Variants in FAM83H observed in about 807,000 individuals in gnomAD.
FAM83H encodes scaffolding CK1 anchoring protein H, also known as protein FAM83H.
A neutral mutation model predicts 30.2 loss-of-function variants in FAM83H; 24 were observed. The ratio of observed to expected loss-of-function variants is 0.79; its 90% CI spans 0.57 to 1.12. The LOEUF (loss-of-function observed/expected upper bound fraction) is 1.12. Ranked by LOEUF, FAM83H falls within the 50% of genes most tolerant of loss-of-function variation. The pLI, the probability that FAM83H is intolerant of heterozygous loss-of-function variation, is 0.00. For missense variants in FAM83H, 2,038 were observed against 1,773.9 expected (o/e 1.15, Z -2.67); for synonymous variants, 1,013 against 821.7 (o/e 1.23, Z -3.98).
intron 1 of FAM83H, chr8:143,731,834 T>G: frequency 3.0e-6 from 3 of 985,430 alleles, no homozygotes; most frequent in Non-Finnish European, 3.6e-6. Context: ...AAAGGGTCCC[T>G]GCGGGGGCCT....
chr8:143,727,144 C>T lies in FAM83H; in HGVS notation c.2317G>A (p.Val773Met). ...AVVSQAWREEVAAPGAVGGER... is the reference protein window; with the variant it reads ...AVVSQAWREEMAAPGAVGGER... ...CCCCCCACGGCACCTGGGGCCGCCA[C>T]CTCTTCCCGCCACGCCTGGGACACG... The change falls in exon 5 of 5, where the codon GTG becomes ATG. Residue 773 changes from valine (V) to methionine (M), a missense_variant. Coordinates refer to ENST00000388913, the MANE Select transcript of FAM83H (RefSeq NM_198488.5). 1 of 1,534,258 alleles carries T rather than the reference C, an allele frequency of 6.5e-7. No homozygotes were observed. The highest frequency in any genetic ancestry group is 1.4e-5 in the African/African-American group (1 of 73,100).
rs1031212719 is a variant in FAM83H at position 143,733,228 on chromosome 8, G to C, written c.-16+463C>G. On this transcript the variant is annotated intron_variant, in intron 1 of 4. Transcript: ENST00000388913. The surrounding 1 kb of genome is among the most constrained non-coding windows in gnomAD (Gnocchi z 5.6). ...TCCGCCCACCCCAGCCCAGGAACGT[G>C]GGCGCGAGGGGCAGCACTCCCATCA... is the stretch of plus-strand genomic sequence containing the variant. The C allele has an allele frequency of 1.8e-4, 27 of 152,434 alleles. No homozygotes were observed. Among genetic ancestry groups the C allele is most frequent in the African/African-American group, 6.0e-4 (25 of 41,470 alleles). 9.4% of individuals were successfully genotyped at this position (152,434 alleles called of 1,614,324 possible). A position where few individuals can be genotyped will look rare whatever the true frequency, so the allele number is the denominator to read the frequency against.
rs1371733632 is a variant in FAM83H at position 143,727,171 on chromosome 8, C to T, written c.2290G>A (p.Val764Ile). ...AITVASHSKA[V>I]VSQAWREEVA... is the part of the protein sequence containing the mutation. ...TCTTCCCGCCACGCCTGGGACACGACGGCCTTGCTGTGGCTGGCAACGGTG... is the reference window on the plus strand; with the variant it reads ...TCTTCCCGCCACGCCTGGGACACGATGGCCTTGCTGTGGCTGGCAACGGTG... Residue 764 changes from valine to isoleucine, a missense_variant, in exon 5 of 5, where the codon GTC becomes ATC. Transcript: ENST00000388913. 3.3e-6 allele frequency: 5 copies of T among 1,534,108 alleles called. No homozygotes were observed. The highest frequency in any genetic ancestry group is 1.2e-5 in the South Asian group (1 of 84,010).
chr8:143,727,695 C>A lies in FAM83H; in HGVS notation c.1766G>T (p.Gly589Val), dbSNP rs1554622799. 6.4e-7 allele frequency: 1 copy of A among 1,558,786 alleles called. No homozygotes were observed. The highest frequency in any genetic ancestry group is 1.2e-5 in the South Asian group (1 of 86,374). The part of the protein sequence containing the change: ...RRWRLASYLS[G>V]CHGEDGGDDG... ...GTCGCCCCCATCCTCGCCGTGGCAGCCGCTCAAGTAGGAGGCCAAACGCCA... is the reference window on the plus strand; with the variant it reads ...GTCGCCCCCATCCTCGCCGTGGCAGACGCTCAAGTAGGAGGCCAAACGCCA... The change falls in exon 5 of 5, where the codon GGC (glycine) becomes GTC (valine). Residue 589 changes from glycine (G) to valine (V), a missense_variant. Gly to Val is a moderately radical substitution (Grantham distance 109, BLOSUM62 -3). Coordinates refer to ENST00000388913, the MANE Select transcript of FAM83H (RefSeq NM_198488.5).
rs1818364336 is a variant in FAM83H, at chr8:143,727,899, T to C, written c.1562A>G (p.His521Arg). 1 of 1,458,018 alleles carries C rather than the reference T, an allele frequency of 6.9e-7. No individual in the cohort carries two copies. Among genetic ancestry groups the C allele is most frequent in the African/African-American group, 1.5e-5 (1 of 67,294 alleles). 90.3% of individuals were successfully genotyped at this position (1,458,018 alleles called of 1,614,324 possible). ...GGGCGCGAAGGCGGGGTCCGAGCCGTGGCGCACCTCGCGGGACGCGCTGGA... is the reference window on the plus strand; with the variant it reads ...GGGCGCGAAGGCGGGGTCCGAGCCGCGGCGCACCTCGCGGGACGCGCTGGA... ...VPSSASREVR[H>R]GSDPAFAPGP... Residue 521 changes from histidine (H) to arginine (R), a missense_variant, in exon 5 of 5, where the codon CAC (histidine) becomes CGC (arginine). His to Arg is a conservative substitution (Grantham distance 29). Coordinates refer to ENST00000388913, the MANE Select transcript of FAM83H (RefSeq NM_198488.5).
chr8:143,729,039 T>C lies in FAM83H; in HGVS notation c.665A>G (p.Lys222Arg), dbSNP rs376949965. 222 of 1,613,490 alleles carry C rather than the reference T, an allele frequency of 1.4e-4. No homozygotes were observed. The highest frequency in any genetic ancestry group is 1.8e-4 in the Non-Finnish European group (209 of 1,179,988). The change falls in exon 4 of 5, where the codon AAG (lysine) becomes AGG (arginine). Residue 222 changes from lysine (K) to arginine (R), a missense_variant. Transcript: ENST00000388913. ...AGPTYYCRTG[K>R]SFKGHVKEKF... Reference sequence around the variant, plus strand: ...CTCCTTGACGTGGCCCTTGAAGGACTTCCCAGTGCGGCAGTAGTAGGTGGG... The same window carrying C: ...CTCCTTGACGTGGCCCTTGAAGGACCTCCCAGTGCGGCAGTAGTAGGTGGG...
Position 143,728,371 on chromosome 8 carries a change from C to G in FAM83H, c.1090G>C (p.Gly364Arg), listed in dbSNP as rs1370477113. The change falls in exon 5 of 5, where the codon GGG becomes CGG. Residue 364 changes from glycine to arginine, a missense_variant. Transcript: ENST00000388913. ...FRREEPPRMP[G>R]GALEPHAGLR... ...CCCGCGTGCGGTTCCAGCGCGCCCC[C>G]CGGCATCCGCGGCGGCTCCTCCCGG... 1.9e-6 allele frequency: 3 copies of G among 1,544,266 alleles called. No homozygotes were observed. Among genetic ancestry groups the G allele is most frequent in the East Asian group, 2.5e-5 (1 of 40,630 alleles).
chr8:143,725,072 G>C lies in FAM83H; in HGVS notation c.*849C>G, dbSNP rs1415298726. 3.4e-5 allele frequency: 4 copies of C among 118,628 alleles called. No individual in the cohort carries two copies. The highest frequency in any genetic ancestry group is 6.6e-5 in the Non-Finnish European group (4 of 60,636). 7.3% of individuals were successfully genotyped at this position (118,628 alleles called of 1,614,324 possible). ...CAGTCTTCCCCACAGCAAGAGACGG[G>C]CCTCCAAAAAAGATGCTGGGAGGCA... On this transcript the variant is annotated 3_prime_UTR_variant, in exon 5 of 5. Coordinates refer to ENST00000388913, the MANE Select transcript of FAM83H (RefSeq NM_198488.5).
rs1414158365 is a variant in FAM83H at position 143,725,462 on chromosome 8, A to G, written c.*459T>C. On this transcript the variant is annotated 3_prime_UTR_variant, in exon 5 of 5. Transcript: ENST00000388913. ...AATACAAAAACTACCTGGGCGTGGT[A>G]GCATACATCTGTAATCCCAGCTACT... The G allele has an allele frequency of 1.1e-5, 2 of 189,572 alleles. No individual in the cohort carries two copies. The highest frequency in any genetic ancestry group is 2.2e-5 in the Non-Finnish European group (2 of 90,766). 11.7% of individuals were successfully genotyped at this position (189,572 alleles called of 1,614,324 possible). A position where few individuals can be genotyped will look rare whatever the true frequency, so the allele number is the denominator to read the frequency against.
At position 143,726,057 on chromosome 8, in the gene FAM83H, C is replaced by T; in HGVS notation, c.3404G>A (p.Arg1135His). 2 of 1,612,366 alleles carry T rather than the reference C, an allele frequency of 1.2e-6. No homozygotes were observed. Among genetic ancestry groups the T allele is most frequent in the Non-Finnish European group, 1.7e-6 (2 of 1,179,778 alleles). Residue 1135 changes from arginine to histidine, a missense_variant, in exon 5 of 5, where the codon CGC (arginine) becomes CAC (histidine). Transcript: ENST00000388913. ...CTCTTTCTTGCAGAAGACCTCGAAG[C>T]GGCTGTACACGCGCTTCTCCTTGCG... The part of the protein sequence containing the change: ...SMRKEKRVYS[R>H]FEVFCKKEEA...
Position 143,725,666 on chromosome 8 carries a change from G to T in FAM83H, c.*255C>A. On this transcript the variant is annotated 3_prime_UTR_variant, in exon 5 of 5. Transcript: ENST00000388913. Reference sequence around the variant, plus strand: ...CACGCAAGGCTGACGGTGCAGAGATGAAGGTGCTGAGGGGAGAAAGGCACT... The same window carrying T: ...CACGCAAGGCTGACGGTGCAGAGATTAAGGTGCTGAGGGGAGAAAGGCACT... The T allele has an allele frequency of 1.7e-6, 1 of 602,924 alleles. No homozygotes were observed. The highest frequency in any genetic ancestry group is 2.9e-6 in the Non-Finnish European group (1 of 341,370). The allele number at this position is 602,924 out of a possible 1,614,324, so 37.3% of individuals were successfully genotyped here. A position where few individuals can be genotyped will look rare whatever the true frequency, so the allele number is the denominator to read the frequency against.
At chr8:143,728,880 G>A (rs1818410605) in intron 4 of FAM83H, 87 bp downstream of exon 4, 1 of 1,605,666 alleles carries the variant, frequency 6.2e-7, no homozygotes, top group Non-Finnish European at 8.5e-7. Flanking sequence ...AGGGCTCCTG[G>A]CGAGGAGGGC....
rs782396837 is a variant in FAM83H, at chr8:143,727,461, G to A, written c.2000C>T (p.Ser667Leu). ...CAGGGGGTTCAGGCGCGAGCGGAAT[G>A]AGTCCTGCTTGGCCAGGCCAGGCTC... ...PEEPGLAKQDSFRSRLNPLVQ... is the reference protein window; with the variant it reads ...PEEPGLAKQDLFRSRLNPLVQ... The change falls in exon 5 of 5, where the codon TCA (serine) becomes TTA (leucine). Residue 667 changes from serine (S) to leucine (L), a missense_variant. Coordinates refer to ENST00000388913, the MANE Select transcript of FAM83H (RefSeq NM_198488.5). 1.3e-6 allele frequency: 2 copies of A among 1,570,434 alleles called. No homozygotes were observed. Among genetic ancestry groups the A allele is most frequent in the Admixed American group, 1.8e-5 (1 of 55,148 alleles).
chr8:143,727,470 T>A lies in FAM83H; in HGVS notation c.1991A>T (p.Lys664Met), dbSNP rs782237692. 1.9e-6 allele frequency: 3 copies of A among 1,570,618 alleles called. No homozygotes were observed. The highest frequency in any genetic ancestry group is 2.6e-6 in the Non-Finnish European group (3 of 1,165,674). ...REGPEEPGLA[K>M]QDSFRSRLNP... is the part of the protein sequence containing the mutation. ...CAGGCGCGAGCGGAATGAGTCCTGCTTGGCCAGGCCAGGCTCCTCCGGGCC... is the reference window on the plus strand; with the variant it reads ...CAGGCGCGAGCGGAATGAGTCCTGCATGGCCAGGCCAGGCTCCTCCGGGCC... The change falls in exon 5 of 5, where the codon AAG becomes ATG. Residue 664 changes from lysine to methionine, a missense_variant. Lys to Met is a moderately conservative substitution (Grantham distance 95). Transcript: ENST00000388913.
At chr8:143,732,155 G>GC in intron 1 of FAM83H, 1 of 985,420 alleles carries the variant, frequency 1.0e-6, no homozygotes, top group Non-Finnish European at 1.2e-6. Context: ...TCAGGAGGCA[G>GC]CCGTCCTGCC....
rs782627919 is a variant in FAM83H, at chr8:143,728,009, C to T, written c.1452G>A (p.Ala484=). ...CGCCCAGGGTGAAGTCATCCGGGTC[C>T]GCGAAACCCGCGCGGCCCCCGCGAA... ...EKLRGGRAGF[A]DPDDFTLGAG... is the part of the protein sequence containing the mutation. The change falls in exon 5 of 5, where the codon GCG becomes GCA. Residue 484 remains alanine (A), a synonymous_variant. Coordinates refer to ENST00000388913, the MANE Select transcript of FAM83H (RefSeq NM_198488.5). The T allele has an allele frequency of 1.9e-6, 3 of 1,597,698 alleles. No individual in the cohort carries two copies. Among genetic ancestry groups the T allele is most frequent in the Non-Finnish European group, 2.5e-6 (3 of 1,177,470 alleles).
intron 1 of FAM83H, 73 bp from the exon 2 acceptor site, chr8:143,730,670 CTG>C (rs1554624306): frequency 1.8e-6 from 2 of 1,115,554 alleles, no homozygotes; most frequent in East Asian, 5.2e-5. Context: ...CATGGACACA[CTG>C]TGGAAAGGGC....
chr8:143,730,437 G>A lies in FAM83H; in HGVS notation c.146C>T (p.Thr49Ile), dbSNP rs781915158. ...GSEAYSRFLA[T>I]EGAPDFLCPE... ...GCACAGGAAGTCTGGTGCCCCCTCG[G>A]TAGCGAGGAAGCGGCTGTAGGCCTC... Residue 49 changes from threonine (T) to isoleucine (I), a missense_variant, in exon 2 of 5, where the codon ACC becomes ATC. Coordinates refer to ENST00000388913, the MANE Select transcript of FAM83H (RefSeq NM_198488.5). The A allele has an allele frequency of 1.9e-6, 3 of 1,612,498 alleles. No homozygotes were observed. In the Admixed American group the frequency reaches 5.0e-5, roughly 27 times the overall value.
At position 143,733,309 on chromosome 8, in the gene FAM83H, G is replaced by A. The variant is rs62524249; in HGVS notation, c.-16+382C>T. ...CCGCACCCTGGCCACCCCAGTCCAC[G>A]GCGGCCCGGGCGGATGTCCCCAGGG... On this transcript the variant is annotated intron_variant, in intron 1 of 4. Coordinates refer to ENST00000388913, the MANE Select transcript of FAM83H (RefSeq NM_198488.5). The surrounding 1 kb of genome is among the most constrained non-coding windows in gnomAD (Gnocchi z 5.6). Among the ~76,000 whole-genome samples, 13,152 of 152,206 alleles carry A rather than the reference G, an allele frequency of 0.086. 1,289 individuals carry two copies. The highest frequency in any genetic ancestry group is 0.24 in the African/African-American group (10,121 of 41,514).
Sources: allele counts gnomAD v4.1 joint callset (sites outside exome capture counted in the v4.1 genomes callset), GRCh38; gene constraint gnomAD v4.1.1; non-coding constraint Gnocchi (gnomAD v3.1); transcripts MANE v1.5; gene names NCBI Gene and HGNC (gene_info 2026-07-23, HGNC 2026-07-21).